TUSC3: variants seen among roughly 807,000 people sequenced by gnomAD.
TUSC3 encodes dolichyl-diphosphooligosaccharide--protein glycosyltransferase subunit TUSC3.
TUSC3 carries 45 observed loss-of-function variants against 44.8 expected under a neutral mutation model. The observed-to-expected ratio is 1.00, with a 90% confidence interval of 0.79 to 1.29. The LOEUF is 1.29. Ranked by LOEUF, TUSC3 falls within the 50% of genes most tolerant of loss-of-function variation. The probability of loss-of-function intolerance (pLI) is 0.00; values close to 1 mark genes in which losing one functional copy is unlikely to be tolerated. For missense variants in TUSC3, 519 were observed against 437.9 expected (o/e 1.19, Z -1.65); for synonymous variants, 212 against 152.9 (o/e 1.39, Z -2.85).
chr8:15,680,524 T>C (rs558601397), intron 6 of TUSC3, among the ~76,000 whole-genome samples: 10 of 152,270 alleles, frequency 6.6e-5, no homozygotes, highest in African/African-American at 2.4e-4. Context: ...CAGAATCATA[T>C]AGTCTGCAAA....
intron 3 of TUSC3, among the ~76,000 whole-genome samples, chr8:15,654,627 T>C (rs1298407233): frequency 6.6e-6 from 1 of 152,028 alleles, no homozygotes; most frequent in East Asian, 1.9e-4. Context: ...GAAACCCCCA[T>C]CTCTACTAAA....
the TUSC3 span, among the ~76,000 whole-genome samples, chr8:15,783,744 T>G: frequency 6.6e-6 from 1 of 152,114 alleles, no homozygotes; most frequent in Admixed American, 6.6e-5. Flanking sequence ...CCAGAAGCTG[T>G]AGAACTACAA....
At chr8:15,682,745 G>A (rs1471873656) in intron 6 of TUSC3, among the ~76,000 whole-genome samples, 1 of 151,050 alleles carries the variant, frequency 6.6e-6, no homozygotes, top group Non-Finnish European at 1.5e-5. Context: ...GAGTCTCTGG[G>A]CCATGTGCTT....
chr8:15,751,224 A>T (rs200400880), intron 9 of TUSC3, among the ~76,000 whole-genome samples: 2 of 152,240 alleles, frequency 1.3e-5, no homozygotes, highest in East Asian at 3.9e-4. Context: ...TATTGGAGAG[A>T]GATATGGAGA....
chr8:15,627,161 C>T (rs1467054490), intron 2 of TUSC3, among the ~76,000 whole-genome samples: 3 of 152,208 alleles, frequency 2.0e-5, no homozygotes, highest in African/African-American at 7.2e-5. Context: ...CAGAGAGAAG[C>T]TGCCCACCCC....
the TUSC3 span, among the ~76,000 whole-genome samples, chr8:15,819,572 C>G: frequency 6.6e-6 from 1 of 152,160 alleles, no homozygotes; most frequent in Non-Finnish European, 1.5e-5. Context: ...CCATCAACTC[C>G]TTTGTTTTCA....
intron 2 of TUSC3, among the ~76,000 whole-genome samples, chr8:15,515,062 C>T (rs1394935388): frequency 6.6e-6 from 1 of 152,082 alleles, no homozygotes; most frequent in Admixed American, 6.5e-5. Context: ...TTCTTTTCCA[C>T]CGATGGAAAA....
At chr8:15,737,380 A>G (rs544186992) in intron 7 of TUSC3, among the ~76,000 whole-genome samples, 1 of 152,278 alleles carries the variant, frequency 6.6e-6, no homozygotes, top group South Asian at 2.1e-4. Context: ...TTGTAAATAT[A>G]TTCGTTACTA....
At chr8:15,742,482 A>G (rs931026920) in intron 7 of TUSC3, among the ~76,000 whole-genome samples, 6 of 152,190 alleles carry the variant, frequency 3.9e-5, no homozygotes, top group South Asian at 2.1e-4. Flanking sequence ...TAGAATTTCA[A>G]TAATATGGTT....
At chr8:15,617,875 C>T (rs1162414179) in intron 1 of TUSC3, among the ~76,000 whole-genome samples, 2 of 152,098 alleles carry the variant, frequency 1.3e-5, no homozygotes, top group East Asian at 3.8e-4. Context: ...TATTTAAAGA[C>T]AAAAGTATGC....
intron 1 of TUSC3, among the ~76,000 whole-genome samples, chr8:15,610,522 A>G (rs1037095411): frequency 3.9e-5 from 6 of 152,196 alleles, no homozygotes; most frequent in African/African-American, 1.2e-4. Flanking sequence ...ATATTAATTT[A>G]ACATCTGGCA....
chr8:15,605,732 A>G (rs1301867444), intron 1 of TUSC3, among the ~76,000 whole-genome samples: 1 of 152,030 alleles, frequency 6.6e-6, no homozygotes, highest in Non-Finnish European at 1.5e-5. Flanking sequence ...AAACTTGTTA[A>G]AACTTAGACA....
chr8:15,638,243 C>T (rs529307167), intron 2 of TUSC3, among the ~76,000 whole-genome samples: 1 of 151,504 alleles, frequency 6.6e-6, no homozygotes, highest in South Asian at 2.1e-4. Flanking sequence ...CCTGTTCTTG[C>T]ATGGATTACT....
rs141161135 is a variant in TUSC3, at chr8:15,444,804, G to T, written n.91+27499G>T. Among the ~76,000 whole-genome samples, 179 of 152,202 alleles carry T rather than the reference G, an allele frequency of 1.2e-3. 1 individual carries two copies. In the East Asian group the frequency reaches 0.032, roughly 28 times the overall value. On this transcript the variant is annotated intron_variant and non_coding_transcript_variant, in intron 1 of 5. Coordinates refer to the TUSC3 transcript ENST00000503191. The stretch of plus-strand genomic sequence containing the variant: ...AATGTCTTCTTACCCTCTTAAAATG[G>T]TGACCAGTGAGGCAAGTGGATACTA...
chr8:15,420,134 G>A (rs1383365660), intron 1 of TUSC3, among the ~76,000 whole-genome samples: 1 of 152,080 alleles, frequency 6.6e-6, no homozygotes, highest in Non-Finnish European at 1.5e-5. Flanking sequence ...GGTGGCCTTT[G>A]AGAATTCACC....
chr8:15,833,042 G>A, the TUSC3 span, among the ~76,000 whole-genome samples: 1 of 152,176 alleles, frequency 6.6e-6, no homozygotes, highest in East Asian at 1.9e-4. Context: ...TAAAAAAACA[G>A]GGAATGGACA....
chr8:15,816,416 T>G, the TUSC3 span, among the ~76,000 whole-genome samples: 179 of 152,276 alleles, frequency 1.2e-3, no homozygotes, highest in African/African-American at 4.1e-3. Context: ...TTAGGCCATT[T>G]ATTAATAATT....
At chr8:15,605,467 T>C (rs1024494716) in intron 1 of TUSC3, among the ~76,000 whole-genome samples, 2 of 151,986 alleles carry the variant, frequency 1.3e-5, no homozygotes, top group Admixed American at 6.6e-5. Context: ...TGCTACACAG[T>C]TGACCCTTGA....
At chr8:15,501,154 G>A (rs1800959569) in intron 2 of TUSC3, among the ~76,000 whole-genome samples, 1 of 152,022 alleles carries the variant, frequency 6.6e-6, no homozygotes, top group Non-Finnish European at 1.5e-5. Flanking sequence ...CCTTCATCCT[G>A]ACCTTTAACC....
Sources: gnomAD v4.1 joint callset for allele counts (sites outside exome capture counted in the v4.1 genomes callset) on GRCh38, gnomAD v4.1.1 for gene constraint, MANE v1.5 for transcripts, NCBI Gene and HGNC (gene_info 2026-07-23, HGNC 2026-07-21) for gene names.